The following PCDHA9 variants were observed in gnomAD, a reference collection of about 807,000 sequenced individuals.
The protein encoded by PCDHA9 is protocadherin alpha 9.
A neutral mutation model predicts 62.0 loss-of-function variants in PCDHA9; 62 were observed. The ratio of observed to expected loss-of-function variants is 1.00; its 90% CI spans 0.81 to 1.23. The LOEUF (loss-of-function observed/expected upper bound fraction) is 1.23. Among genes scored for constraint, PCDHA9 ranks in the 50% most tolerant of loss-of-function variants. The pLI is 0.00. For synonymous variants in PCDHA9, 557 were observed against 567.6 expected (o/e 0.98, Z 0.27); for missense variants, 1,205 against 1,249.8 (o/e 0.96, Z 0.54).
chr5:140,920,722 C>T (rs2079784294), intron 1 of PCDHA9, among the ~76,000 whole-genome samples: 1 of 151,872 alleles, frequency 6.6e-6, no homozygotes, highest in Non-Finnish European at 1.5e-5. Context: ...TGTGCGCCTG[C>T]AGTCCCAGCT....
In PCDHA9 at chr5:140,982,464, T is replaced by C; in HGVS notation, c.2454-11T>C. 6.2e-7 allele frequency: 1 copy of C among 1,614,112 alleles called. No individual in the cohort carries two copies. Among genetic ancestry groups the C allele is most frequent in the Non-Finnish European group, 8.5e-7 (1 of 1,180,010 alleles). ...GATCTAACCGTTATCTGGGTCTGTG[T>C]GTTTATTCAGCTCTGTGCACCTAGA... On this transcript the variant is annotated splice_polypyrimidine_tract_variant and intron_variant, in intron 2 of 3. Coordinates refer to ENST00000532602, the MANE Select transcript of PCDHA9 (RefSeq NM_031857.2).
At position 140,994,426 on chromosome 5, in the gene PCDHA9, G is replaced by A. The variant is rs994056098; in HGVS notation, c.2542+11863G>A. Among the ~76,000 whole-genome samples the A allele has an allele frequency of 3.9e-5, 6 of 152,110 alleles. No homozygotes were observed. In the East Asian group the frequency reaches 1.2e-3, roughly 29 times the overall value. ...CATTTAATACTGGATATTGAGGCCG[G>A]GCGCAGTGGCTCACACCTGTGATCC... On this transcript the variant is annotated intron_variant, in intron 3 of 3. Coordinates refer to ENST00000532602, the MANE Select transcript of PCDHA9 (RefSeq NM_031857.2).
chr5:140,856,403 G>C, intron 1 of PCDHA9: 1 of 1,598,562 alleles, frequency 6.3e-7, no homozygotes, highest in South Asian at 1.1e-5. Flanking sequence ...TTTCCATGTG[G>C]ACGTGGAAGT....
chr5:140,963,811 G>A (rs2153736544), intron 1 of PCDHA9, among the ~76,000 whole-genome samples: 1 of 152,288 alleles, frequency 6.6e-6, no homozygotes, highest in Middle Eastern at 3.4e-3. Context: ...TAGTCACTGT[G>A]CAAATTGCTT....
intron 1 of PCDHA9, among the ~76,000 whole-genome samples, chr5:140,965,730 C>T (rs1554227819): frequency 6.6e-6 from 1 of 152,166 alleles, no homozygotes; most frequent in East Asian, 1.9e-4. Flanking sequence ...AAAAATTTTA[C>T]CAGATTTTCC....
At position 140,993,185 on chromosome 5, in the gene PCDHA9, G is replaced by A. The variant is rs1393686590; in HGVS notation, c.2542+10622G>A. Among the ~76,000 whole-genome samples, 5 of 152,162 alleles carry A rather than the reference G, an allele frequency of 3.3e-5. No homozygotes were observed. The South Asian group carries it at 8.3e-4, about 25-fold the overall frequency. The stretch of plus-strand genomic sequence containing the variant: ...TTGCCTTTGGGAAATTTCTTTAGAG[G>A]GAAACTCACTAAAGCTAATTTTTTT... On this transcript the variant is annotated intron_variant, in intron 3 of 3. Transcript: ENST00000532602.
intron 1 of PCDHA9, chr5:140,862,930 C>T (rs1581662470): frequency 1.8e-6 from 1 of 542,144 alleles, no homozygotes; most frequent in East Asian, 4.9e-5. Flanking sequence ...GGGCTGGCGG[C>T]GCTGTGAGTG....
intron 1 of PCDHA9, chr5:140,857,675 C>T (rs1343696069): frequency 3.1e-6 from 5 of 1,596,928 alleles, no homozygotes; most frequent in Admixed American, 3.4e-5. Context: ...GGGCGTGCCG[C>T]CTCTGGGCAG....
At chr5:140,869,669 T>A in intron 1 of PCDHA9, 1 of 1,613,476 alleles carries the variant, frequency 6.2e-7, no homozygotes, top group South Asian at 1.1e-5. Flanking sequence ...GGTAAGCAGA[T>A]TAAAAGACTG....
intron 1 of PCDHA9, chr5:140,857,755 T>A: frequency 6.3e-7 from 1 of 1,597,184 alleles, no homozygotes; most frequent in Non-Finnish European, 8.6e-7. Flanking sequence ...CGTCTCCCGC[T>A]GGCAGCGCGG....
intron 2 of PCDHA9, 38 bp from the exon 3 acceptor site, chr5:140,982,437 A>G: frequency 6.2e-7 from 1 of 1,613,390 alleles, no homozygotes; most frequent in East Asian, 2.2e-5. Flanking sequence ...GAAAGAATTT[A>G]TGATCTAACC....
At chr5:140,915,266 C>T (rs1554196835) in intron 1 of PCDHA9, among the ~76,000 whole-genome samples, 1 of 151,940 alleles carries the variant, frequency 6.6e-6, no homozygotes, top group Non-Finnish European at 1.5e-5. Context: ...TTATTTTTGA[C>T]CAGTTCATCA....
rs544791644 is a variant in PCDHA9, at chr5:140,937,295, C to G, written c.2395-41654C>G. Among the ~76,000 whole-genome samples the G allele has an allele frequency of 1.0e-3, 157 of 152,202 alleles. 1 individual carries two copies. Among genetic ancestry groups the G allele is most frequent in the Admixed American group, 4.7e-3 (72 of 15,286 alleles). On this transcript the variant is annotated intron_variant, in intron 1 of 3. Transcript: ENST00000532602. ...CTCGTGATTCACCCGCTTCGGCCTC[C>G]CAAAGTGCTGGGATTACAGGCGTGA...
chr5:140,879,782 G>C (rs1372413289), intron 1 of PCDHA9, among the ~76,000 whole-genome samples: 1 of 152,178 alleles, frequency 6.6e-6, no homozygotes, highest in African/African-American at 2.4e-5. Flanking sequence ...GGAAGAATCT[G>C]GTTTTTGTTT....
intron 1 of PCDHA9, among the ~76,000 whole-genome samples, chr5:140,901,330 C>T (rs576918477): frequency 6.6e-6 from 1 of 152,108 alleles, no homozygotes; most frequent in African/African-American, 2.4e-5. Flanking sequence ...TTCTTGTAGT[C>T]GTTTTATAGT....
intron 1 of PCDHA9, among the ~76,000 whole-genome samples, chr5:140,944,025 A>C (rs981840753): frequency 6.6e-6 from 1 of 152,236 alleles, no homozygotes; most frequent in Admixed American, 6.5e-5. Flanking sequence ...AATTATCTTC[A>C]AAATATGGAA....
At chr5:140,924,901 AAAAAT>A (rs10667761) in intron 1 of PCDHA9, among the ~76,000 whole-genome samples, 4,416 of 80,206 alleles carry the variant, frequency 0.055, 204 homozygotes, top group African/African-American at 0.16. Flanking sequence ...TCTCAAAAAA[AAAAAT>A]AAAATAAAAT....
chr5:140,885,410 G>A (rs1203684049), intron 1 of PCDHA9, among the ~76,000 whole-genome samples: 3 of 152,088 alleles, frequency 2.0e-5, no homozygotes, highest in Non-Finnish European at 4.4e-5. Flanking sequence ...TTTAATAGCT[G>A]TGTAGTATTC....
chr5:140,955,156 G>A (rs556311036), intron 1 of PCDHA9, among the ~76,000 whole-genome samples: 25 of 152,262 alleles, frequency 1.6e-4, no homozygotes, highest in East Asian at 3.9e-4. Context: ...TACCAGTACC[G>A]TGCTGTTTTG....
Sources: gnomAD v4.1 joint callset for allele counts (sites outside exome capture counted in the v4.1 genomes callset) on GRCh38, gnomAD v4.1.1 for gene constraint, MANE v1.5 for transcripts, NCBI Gene and HGNC (gene_info 2026-07-23, HGNC 2026-07-21) for gene names.